The following ZNF510 variants were observed in gnomAD, a reference collection of about 807,000 sequenced individuals.
ZNF510 encodes zinc finger protein 510.
ZNF510 carries 15 observed loss-of-function variants against 18.1 expected under a neutral mutation model. That is an observed-to-expected ratio of 0.83 (90% confidence interval 0.55 to 1.28). The LOEUF is 1.28. Among genes scored for constraint, ZNF510 ranks in the 50% most tolerant of loss-of-function variants. The pLI is 0.00. For missense variants in ZNF510, 724 were observed against 791.8 expected (o/e 0.91, Z 1.03); for synonymous variants, 261 against 266.4 (o/e 0.98, Z 0.20).
rs1268930926 is a variant in ZNF510, at chr9:96,754,728, C to CT, written c.*4049dup. On this transcript the variant is annotated 3_prime_UTR_variant, in exon 6 of 6. Transcript: ENST00000223428. ...TTTATAATAATCACCCAAAAGATAACTTGGAACATCAAAAGGAAAAATGCT... is the reference window on the plus strand; with the variant it reads ...TTTATAATAATCACCCAAAAGATAACTTTGGAACATCAAAAGGAAAAATGCT... Among the ~76,000 whole-genome samples the CT allele has an allele frequency of 3.3e-5, 5 of 152,000 alleles. No homozygotes were observed. The highest frequency in any genetic ancestry group is 7.4e-5 in the Non-Finnish European group (5 of 68,016).
At position 96,760,249 on chromosome 9, in the gene ZNF510, C is replaced by A. The variant is rs1232010681; in HGVS notation, c.581G>T (p.Arg194Ile). 6.2e-7 allele frequency: 1 copy of A among 1,612,674 alleles called. No homozygotes were observed. Among genetic ancestry groups the A allele is most frequent in the South Asian group, 1.1e-5 (1 of 90,794 alleles). ...ACCTATTTTCTTTGTTGAATAGTTTCTATTATTAATGATAAATTCAGAAAT... is the reference window on the plus strand; with the variant it reads ...ACCTATTTTCTTTGTTGAATAGTTTATATTATTAATGATAAATTCAGAAAT... ...QSISEFIINN[R>I]NYSTKKIGCG... is the part of the protein sequence containing the mutation. Residue 194 changes from arginine to isoleucine, a missense_variant, in exon 6 of 6, where the codon AGA becomes ATA. Transcript: ENST00000223428.
chr9:96,763,002 T>C (rs1353575755), intron 5 of ZNF510, 116 bp downstream of exon 5: 1 of 788,022 alleles, frequency 1.3e-6, no homozygotes, highest in East Asian at 2.5e-5. Context: ...ACTGCTGCTT[T>C]TTGTGCCTTT....
At chr9:96,765,438 G>A (rs1849447392) in intron 3 of ZNF510, among the ~76,000 whole-genome samples, 1 of 151,976 alleles carries the variant, frequency 6.6e-6, no homozygotes, top group Non-Finnish European at 1.5e-5. Flanking sequence ...CTCTGATACT[G>A]TAAATAAGTG....
intron 1 of ZNF510, among the ~76,000 whole-genome samples, chr9:96,776,764 G>A (rs1451448017): frequency 6.6e-6 from 1 of 152,118 alleles, no homozygotes; most frequent in Non-Finnish European, 1.5e-5. Context: ...CAGCCTGGGC[G>A]ACAGAGAGAA....
Position 96,759,808 on chromosome 9 carries a change from C to T in ZNF510, c.1022G>A (p.Ser341Asn), listed in dbSNP as rs970064639. 1.2e-6 allele frequency: 2 copies of T among 1,613,644 alleles called. No homozygotes were observed. The highest frequency in any genetic ancestry group is 2.2e-5 in the East Asian group (1 of 44,884). Residue 341 changes from serine to asparagine, a missense_variant, in exon 6 of 6, where the codon AGT becomes AAT. Physicochemically the swap from Ser to Asn is conservative, Grantham distance 46. Coordinates refer to ENST00000223428, the MANE Select transcript of ZNF510 (RefSeq NM_014930.3). ...MGIKHYELNPSGNNFNRKAHL... is the reference protein window; with the variant it reads ...MGIKHYELNPNGNNFNRKAHL... ...TGCCTTTCTGTTGAAATTATTTCCACTTGGATTTAATTCATAATGTTTTAT... is the reference window on the plus strand; with the variant it reads ...TGCCTTTCTGTTGAAATTATTTCCATTTGGATTTAATTCATAATGTTTTAT...
intron 3 of ZNF510, among the ~76,000 whole-genome samples, chr9:96,768,019 T>C (rs1418197370): frequency 6.6e-6 from 1 of 152,162 alleles, no homozygotes; most frequent in Non-Finnish European, 1.5e-5. Context: ...CTATATACCA[T>C]GACCAAGTAC....
chr9:96,762,677 C>T (rs546891642), intron 5 of ZNF510, among the ~76,000 whole-genome samples: 10 of 152,092 alleles, frequency 6.6e-5, no homozygotes, highest in Non-Finnish European at 1.2e-4. Flanking sequence ...GTTATTTCAC[C>T]TCATATCTCA....
chr9:96,763,682 G>T, intron 3 of ZNF510, 50 bp from the exon 4 acceptor site: 1 of 1,496,030 alleles, frequency 6.7e-7, no homozygotes, highest in South Asian at 1.4e-5. Context: ...ATTAGATGAT[G>T]TAGAAAATAG....
At position 96,755,269 on chromosome 9, in the gene ZNF510, G is replaced by T. The variant is rs907902708; in HGVS notation, c.*3509C>A. Among the ~76,000 whole-genome samples the T allele has an allele frequency of 6.6e-6, 1 of 151,892 alleles. No individual in the cohort carries two copies. Among genetic ancestry groups the T allele is most frequent in the Non-Finnish European group, 1.5e-5 (1 of 68,026 alleles). On this transcript the variant is annotated 3_prime_UTR_variant, in exon 6 of 6. Transcript: ENST00000223428. ...ATTTAAAAGGGGCAGGAAGAGAGAT[G>T]ATTCTAAATATTTTCTTTCAGAAAG...
Position 96,758,603 on chromosome 9 carries a change from A to G in ZNF510, c.*175T>C, listed in dbSNP as rs1414630463. On this transcript the variant is annotated 3_prime_UTR_variant, in exon 6 of 6. Coordinates refer to ENST00000223428, the MANE Select transcript of ZNF510 (RefSeq NM_014930.3). ...CTCTGAAGGTTGCATTTTGGACACA[A>G]TTCTTCCTGCATTCATCTTCATCTG... 1.5e-6 allele frequency: 1 copy of G among 662,326 alleles called. No homozygotes were observed. The highest frequency in any genetic ancestry group is 2.8e-5 in the East Asian group (1 of 35,676). 41.0% of individuals were successfully genotyped at this position (662,326 alleles called of 1,614,324 possible).
chr9:96,767,238 G>A (rs1849491974), intron 3 of ZNF510, among the ~76,000 whole-genome samples: 1 of 152,164 alleles, frequency 6.6e-6, no homozygotes, highest in South Asian at 2.1e-4. Flanking sequence ...TGAGGCAGGA[G>A]AATTGCTTGA....
chr9:96,758,191 A>C lies in ZNF510; in HGVS notation c.*587T>G, dbSNP rs1263652313. On this transcript the variant is annotated 3_prime_UTR_variant, in exon 6 of 6. Coordinates refer to ENST00000223428, the MANE Select transcript of ZNF510 (RefSeq NM_014930.3). ...AACTGGGAAAGACACAGAAGAGGAG[A>C]ATTTTGCTGCGTGTATTCATTCAGG... The C allele has an allele frequency of 6.6e-6, 1 of 152,164 alleles. No individual in the cohort carries two copies. The highest frequency in any genetic ancestry group is 1.9e-4 in the East Asian group (1 of 5,196). 9.4% of individuals were successfully genotyped at this position (152,164 alleles called of 1,614,324 possible).
In ZNF510 at chr9:96,773,082, G is replaced by A. The variant is rs1849616318; in HGVS notation, c.129+1706C>T. Reference sequence around the variant, plus strand: ...AGAGCAAAACATTCCCTTGAAAACTGTAAAAGAATACACTTTGTATGATTC... The same window carrying A: ...AGAGCAAAACATTCCCTTGAAAACTATAAAAGAATACACTTTGTATGATTC... On this transcript the variant is annotated intron_variant, in intron 3 of 5. Coordinates refer to ENST00000223428, the MANE Select transcript of ZNF510 (RefSeq NM_014930.3). Among the ~76,000 whole-genome samples the A allele has an allele frequency of 2.6e-5, 4 of 152,308 alleles. No homozygotes were observed. In the South Asian group the frequency reaches 8.3e-4, roughly 32 times the overall value.
At chr9:96,766,779 CAG>C (rs1849482139) in intron 3 of ZNF510, among the ~76,000 whole-genome samples, 1 of 152,034 alleles carries the variant, frequency 6.6e-6, no homozygotes, top group African/African-American at 2.4e-5. Flanking sequence ...GCTGGGAAAA[CAG>C]AAAATTAGTA....
Position 96,759,491 on chromosome 9 carries a change from G to C in ZNF510, c.1339C>G (p.Leu447Val). ...GTATGAATTCTCTGATGAGTACTGA[G>C]GTGTGACTTCTGGGAGAAAGTTTTT... ...CGKTFSQKSH[L>V]STHQRIHTAE... The change falls in exon 6 of 6, where the codon CTC (leucine) becomes GTC (valine). Residue 447 changes from leucine (L) to valine (V), a missense_variant. Coordinates refer to ENST00000223428, the MANE Select transcript of ZNF510 (RefSeq NM_014930.3). 6.2e-7 allele frequency: 1 copy of C among 1,614,054 alleles called. No homozygotes were observed. Among genetic ancestry groups the C allele is most frequent in the South Asian group, 1.1e-5 (1 of 91,068 alleles).
rs1402339087 is a variant in ZNF510, at chr9:96,766,031, T to G, written c.130-2399A>C. ...TGCAGAAAGACACACAAAAAGATTA[T>G]GTACTGACTGGCTGACAAAAATGTG... On this transcript the variant is annotated intron_variant, in intron 3 of 5. Coordinates refer to ENST00000223428, the MANE Select transcript of ZNF510 (RefSeq NM_014930.3). Among the ~76,000 whole-genome samples the G allele has an allele frequency of 2.6e-5, 4 of 152,202 alleles. No homozygotes were observed. In the East Asian group the frequency reaches 7.7e-4, roughly 29 times the overall value.
chr9:96,763,360 C>T, intron 4 of ZNF510, 146 bp downstream of exon 4: 2 of 1,283,886 alleles, frequency 1.6e-6, no homozygotes. Context: ...TCTTTCTAGT[C>T]CTCGACAGGG....
Position 96,776,012 on chromosome 9 carries a change from G to A in ZNF510, c.58C>T (p.Leu20Phe). Residue 20 changes from leucine (L) to phenylalanine (F), a missense_variant, in exon 2 of 6, where the codon CTT (leucine) becomes TTT (phenylalanine). Physicochemically the swap from Leu to Phe is conservative, Grantham distance 22. Coordinates refer to ENST00000223428, the MANE Select transcript of ZNF510 (RefSeq NM_014930.3). ...AACCCCAGCTTACCACCTTCTGCAA[G>A]TTGGCCCACAGTGTTCAGTGTCACA... Reference protein sequence around the residue: ...DCVTLNTVGQLAEGGYPLRFS... With the variant: ...DCVTLNTVGQFAEGGYPLRFS... The A allele has an allele frequency of 1.2e-6, 2 of 1,609,056 alleles. No individual in the cohort carries two copies. Among genetic ancestry groups the A allele is most frequent in the Non-Finnish European group, 8.5e-7 (1 of 1,177,714 alleles).
At position 96,760,262 on chromosome 9, in the gene ZNF510, TAAATTCAGAAATACTTTGC is replaced by T. The variant is rs1564434758; in HGVS notation, c.549_567del (p.Gln184SerfsTer12). The T allele has an allele frequency of 6.2e-7, 1 of 1,612,840 alleles. No homozygotes were observed. Among genetic ancestry groups the T allele is most frequent in the Non-Finnish European group, 8.5e-7 (1 of 1,179,362 alleles). ...GTTGAATAGTTTCTATTATTAATGA[TAAATTCAGAAATACTTTGC>T]AAATTCACTTCCCATGAGTTGCATT... On this transcript the variant is annotated frameshift_variant, in exon 6 of 6. Coordinates refer to ENST00000223428, the MANE Select transcript of ZNF510 (RefSeq NM_014930.3). LOFTEE classifies it low-confidence loss of function (END_TRUNC).
Sources: gnomAD v4.1 joint callset for allele counts (sites outside exome capture counted in the v4.1 genomes callset) on GRCh38, gnomAD v4.1.1 for gene constraint, MANE v1.5 for transcripts, NCBI Gene and HGNC (gene_info 2026-07-23, HGNC 2026-07-21) for gene names.